The following TPH2 variants were observed in gnomAD, a reference collection of about 807,000 sequenced individuals.
TPH2 encodes tryptophan hydroxylase 2.
A neutral mutation model predicts 59.1 loss-of-function variants in TPH2; 27 were observed. The ratio of observed to expected loss-of-function variants is 0.46; its 90% CI spans 0.34 to 0.63. TPH2 has a LOEUF of 0.63. Among genes scored for constraint, TPH2 ranks in the 30% least tolerant of loss-of-function variants. TPH2 has a pLI of 0.01. For synonymous variants in TPH2, 220 were observed against 210.5 expected (o/e 1.05, Z -0.39); for missense variants, 523 against 588.3 (o/e 0.89, Z 1.15).
intron 5 of TPH2, among the ~76,000 whole-genome samples, chr12:71,952,569 C>T (rs1871379235): frequency 6.6e-6 from 1 of 152,140 alleles, no homozygotes; most frequent in Non-Finnish European, 1.5e-5. Flanking sequence ...CAAGTCAAAG[C>T]AAAGGGTATT....
At chr12:72,013,221 C>T (rs1185953970) in intron 8 of TPH2, among the ~76,000 whole-genome samples, 1 of 152,180 alleles carries the variant, frequency 6.6e-6, no homozygotes, top group African/African-American at 2.4e-5. Context: ...TGTTCTTAAC[C>T]TAAGACAATG....
chr12:72,015,234 A>G (rs1873209440), intron 8 of TPH2, among the ~76,000 whole-genome samples: 1 of 151,614 alleles, frequency 6.6e-6, no homozygotes, highest in Admixed American at 6.6e-5. Flanking sequence ...CTCAAAAACT[A>G]GATGGAAAAA....
At chr12:71,996,145 G>A (rs911790535) in intron 8 of TPH2, among the ~76,000 whole-genome samples, 5 of 152,214 alleles carry the variant, frequency 3.3e-5, no homozygotes, top group Admixed American at 6.5e-5. Context: ...TTTGGGAATT[G>A]GCTTCCAAAA....
chr12:71,982,914 A>T (rs12301662), intron 7 of TPH2, among the ~76,000 whole-genome samples: 40,450 of 152,170 alleles, frequency 0.27, 5,712 homozygotes, highest in East Asian at 0.47. Context: ...TTCAACACAC[A>T]TTGGATTTTA....
intron 9 of TPH2, among the ~76,000 whole-genome samples, chr12:72,030,822 C>T (rs972587528): frequency 1.3e-5 from 2 of 152,110 alleles, no homozygotes; most frequent in Non-Finnish European, 2.9e-5. Context: ...CCAATTACCT[C>T]TCCATGCAGA....
In TPH2 at chr12:72,022,763, G is replaced by A. The variant is rs143588719; in HGVS notation, c.1164+269G>A. On this transcript the variant is annotated intron_variant, in intron 9 of 10. Transcript: ENST00000333850. ...TGACAAATGTATGCCCAAATCTTGG[G>A]TAACAAATGGCAGGCCTAAATTTAG... Among the ~76,000 whole-genome samples, 9 of 152,300 alleles carry A rather than the reference G, an allele frequency of 5.9e-5. No homozygotes were observed. The East Asian group carries it at 1.7e-3, about 29-fold the overall frequency.
intron 5 of TPH2, among the ~76,000 whole-genome samples, chr12:71,959,852 T>C (rs1871628625): frequency 2.0e-5 from 3 of 152,174 alleles, no homozygotes; most frequent in Admixed American, 2.0e-4. Flanking sequence ...ATCAATTTCA[T>C]TGGCAGGTGG....
intron 5 of TPH2, among the ~76,000 whole-genome samples, chr12:71,952,858 C>G (rs1007615195): frequency 1.3e-5 from 2 of 152,160 alleles, no homozygotes; most frequent in African/African-American, 2.4e-5. Context: ...ACACATCGCC[C>G]AACACATGAC....
chr12:71,958,469 A>G (rs1046322445), intron 5 of TPH2, among the ~76,000 whole-genome samples: 3 of 152,218 alleles, frequency 2.0e-5, no homozygotes, highest in African/African-American at 7.2e-5. Context: ...TTCTCAGCAT[A>G]TTTGAAATGC....
At chr12:71,984,401 G>A (rs1378566289) in intron 7 of TPH2, among the ~76,000 whole-genome samples, 2 of 152,134 alleles carry the variant, frequency 1.3e-5, no homozygotes, top group Non-Finnish European at 2.9e-5. Flanking sequence ...TTGAACAGAT[G>A]TCTCTCACTA....
At chr12:72,012,499 A>G (rs1166913100) in intron 8 of TPH2, among the ~76,000 whole-genome samples, 1 of 152,232 alleles carries the variant, frequency 6.6e-6, no homozygotes, top group Non-Finnish European at 1.5e-5. Flanking sequence ...ATTGGGAGGA[A>G]GACGGTGGAG....
At chr12:72,015,566 G>A (rs1393418347) in intron 8 of TPH2, among the ~76,000 whole-genome samples, 1 of 151,986 alleles carries the variant, frequency 6.6e-6, no homozygotes, top group Non-Finnish European at 1.5e-5. Context: ...TGATCCACCC[G>A]CGTCGGTCTC....
chr12:72,006,557 G>T lies in TPH2; in HGVS notation c.1068+11992G>T, dbSNP rs955204574. Among the ~76,000 whole-genome samples, 5 of 152,124 alleles carry T rather than the reference G, an allele frequency of 3.3e-5. No individual in the cohort carries two copies. In the East Asian group the frequency reaches 5.8e-4, roughly 18 times the overall value. ...TGAGGAATCTGATCAGATACTGAGG[G>T]TGATCAAATATCAAGGGTGATTCCA... is the stretch of plus-strand genomic sequence containing the variant. On this transcript the variant is annotated intron_variant, in intron 8 of 10. Transcript: ENST00000333850.
At chr12:71,942,721 C>T (rs1193303650) in intron 2 of TPH2, among the ~76,000 whole-genome samples, 1 of 152,160 alleles carries the variant, frequency 6.6e-6, no homozygotes, top group African/African-American at 2.4e-5. Flanking sequence ...TATGATGCCT[C>T]TATGATGATC....
chr12:71,948,122 G>A (rs1871245951), intron 4 of TPH2, among the ~76,000 whole-genome samples: 1 of 151,972 alleles, frequency 6.6e-6, no homozygotes, highest in Admixed American at 6.6e-5. Context: ...CCTTTTTAAA[G>A]GGCACAGATC....
At chr12:72,014,160 T>G (rs1188769542) in intron 8 of TPH2, among the ~76,000 whole-genome samples, 2 of 152,066 alleles carry the variant, frequency 1.3e-5, no homozygotes, top group Non-Finnish European at 2.9e-5. Flanking sequence ...AGATGTGACA[T>G]GAGTGGCTTG....
chr12:72,011,536 G>A (rs1184843228), intron 8 of TPH2, among the ~76,000 whole-genome samples: 1 of 152,238 alleles, frequency 6.6e-6, no homozygotes, highest in Non-Finnish European at 1.5e-5. Context: ...AGGTTGGGCT[G>A]TGAGGCACTT....
At chr12:71,963,733 T>C in intron 5 of TPH2, among the ~76,000 whole-genome samples, 1 of 44,436 alleles carries the variant, frequency 2.3e-5, no homozygotes. Flanking sequence ...TGCTTGAACC[T>C]GGGAGGCAGA....
At position 71,994,585 on chromosome 12, in the gene TPH2, A is replaced by G. The variant is rs1457886029; in HGVS notation, c.1068+20A>G. 1 of 1,613,350 alleles carries G rather than the reference A, an allele frequency of 6.2e-7. No individual in the cohort carries two copies. Among genetic ancestry groups the G allele is most frequent in the Non-Finnish European group, 8.5e-7 (1 of 1,179,530 alleles). ...GCCACGGTGAGTTCATTTTCAACTT[A>G]AAACCAGTGCTATTTATGTCCATTT... is the stretch of plus-strand genomic sequence containing the variant. On this transcript the variant is annotated intron_variant, in intron 8 of 10. Transcript: ENST00000333850.
Sources: gnomAD v4.1 joint callset for allele counts (sites outside exome capture counted in the v4.1 genomes callset) on GRCh38, gnomAD v4.1.1 for gene constraint, MANE v1.5 for transcripts, NCBI Gene and HGNC (gene_info 2026-07-23, HGNC 2026-07-21) for gene names.